Variants in PCDHGA4 observed in about 807,000 individuals in gnomAD.
PCDHGA4 encodes protocadherin gamma subfamily A, 4.
PCDHGA4 carries 38 observed loss-of-function variants against 54.6 expected under a neutral mutation model. The ratio of observed to expected loss-of-function variants is 0.70; its 90% confidence interval spans 0.54 to 0.91. PCDHGA4 has a LOEUF of 0.91. PCDHGA4 is among the 40% of genes least tolerant of loss of function. The pLI is 0.00. For synonymous variants in PCDHGA4, 511 were observed against 512.9 expected (o/e 1.00, Z 0.05); for missense variants, 1,298 against 1,220.9 (o/e 1.06, Z -0.94).
intron 1 of PCDHGA4, chr5:141,392,664 C>CT (rs530587453): frequency 1.2e-6 from 1 of 817,260 alleles, no homozygotes; most frequent in South Asian, 2.1e-5. Flanking sequence ...ATGCCACAAA[C>CT]TAACTGCTGG....
At chr5:141,413,687 T>A (rs1470256826) in intron 1 of PCDHGA4, 5 of 1,613,666 alleles carry the variant, frequency 3.1e-6, no homozygotes, top group Non-Finnish European at 3.4e-6. Flanking sequence ...GTGAACTCCC[T>A]GCAGAGCTAT....
At chr5:141,421,767 C>T in intron 1 of PCDHGA4, 2 of 1,613,906 alleles carry the variant, frequency 1.2e-6, no homozygotes, top group South Asian at 1.1e-5. Context: ...ATTACTTTTC[C>T]TTGCAACTGC....
chr5:141,377,430 T>C (rs1308051444), intron 1 of PCDHGA4: 1 of 151,886 alleles, frequency 6.6e-6, no homozygotes, highest in Non-Finnish European at 1.5e-5. Context: ...ACTCTGTCTC[T>C]ACCAAAAAGA....
Position 141,490,066 on chromosome 5 carries a change from C to G in PCDHGA4, c.2515-4741C>G. ...TGATCCAGACGAGGGCACCAACGGC[C>G]AACTAGACTATTCTTTTGGAGACCA... On this transcript the variant is annotated intron_variant, in intron 1 of 3. Coordinates refer to ENST00000571252, the MANE Select transcript of PCDHGA4 (RefSeq NM_018917.4). The surrounding 1 kb of genome is among the most constrained non-coding windows in gnomAD (Gnocchi z 5.4). The G allele has an allele frequency of 1.2e-6, 2 of 1,614,248 alleles. No individual in the cohort carries two copies. Among genetic ancestry groups the G allele is most frequent in the Non-Finnish European group, 1.7e-6 (2 of 1,180,034 alleles).
intron 1 of PCDHGA4, chr5:141,371,296 T>A: frequency 6.2e-7 from 1 of 1,614,000 alleles, no homozygotes; most frequent in Non-Finnish European, 8.5e-7. Flanking sequence ...ACGGGGGAAC[T>A]CACCACTATT....
At chr5:141,459,863 G>A (rs182099511) in intron 1 of PCDHGA4, among the ~76,000 whole-genome samples, 2 of 152,242 alleles carry the variant, frequency 1.3e-5, no homozygotes, top group East Asian at 1.9e-4. Context: ...TGAAGCATTC[G>A]TTCATCTTTA....
At position 141,413,133 on chromosome 5, in the gene PCDHGA4, C is replaced by T. The variant is rs765215473; in HGVS notation, c.2514+55512C>T. The stretch of plus-strand genomic sequence containing the variant: ...CAAAGGAACCGGTTGAAACACACAA[C>T]GTGTCCAGTGAGGACTTTGCAGAAT... On this transcript the variant is annotated intron_variant, in intron 1 of 3. Transcript: ENST00000571252. 1.1e-5 allele frequency: 17 copies of T among 1,542,110 alleles called. No individual in the cohort carries two copies. In the East Asian group the frequency reaches 3.2e-4, roughly 29 times the overall value.
At chr5:141,373,509 C>G (rs1444734450) in intron 1 of PCDHGA4, among the ~76,000 whole-genome samples, 1 of 152,152 alleles carries the variant, frequency 6.6e-6, no homozygotes, top group East Asian at 1.9e-4. Flanking sequence ...GGAGACAGAG[C>G]GAGACTTTGT....
chr5:141,356,393 A>G lies in PCDHGA4; in HGVS notation c.1286A>G (p.Tyr429Cys), dbSNP rs771004657. The G allele has an allele frequency of 5.7e-6, 9 of 1,578,652 alleles. No individual in the cohort carries two copies. Among genetic ancestry groups the G allele is most frequent in the South Asian group, 2.3e-5 (2 of 87,064 alleles). ...CTGCCATTCACACTTGAAAAGACCT[A>G]TGGAAATTATTATCGGTTGTTGACA... ...DNLPFTLEKT[Y>C]GNYYRLLTHR... Residue 429 changes from tyrosine to cysteine, a missense_variant, in exon 1 of 4, where the codon TAT becomes TGT. Tyr to Cys is a radical substitution (Grantham distance 194). Transcript: ENST00000571252.
At position 141,370,693 on chromosome 5, in the gene PCDHGA4, C is replaced by G. The variant is rs762773164; in HGVS notation, c.2514+13072C>G. On this transcript the variant is annotated intron_variant, in intron 1 of 3. Coordinates refer to ENST00000571252, the MANE Select transcript of PCDHGA4 (RefSeq NM_018917.4). ...CGAGAGGAGATTTGTGGCAAGAAGT[C>G]GACGTGTGTTCTGGAATTTGAAATG... 28 of 1,613,754 alleles carry G rather than the reference C, an allele frequency of 1.7e-5. No individual in the cohort carries two copies. In the East Asian group the frequency reaches 3.8e-4, roughly 22 times the overall value.
rs545310006 is a variant in PCDHGA4 at position 141,395,123 on chromosome 5, T to C, written c.2514+37502T>C. ...ACTCGCGGAAGAGTCACCTGATCTTTCCCCAGCCCAACTACGCAGACATGC... is the reference window on the plus strand; with the variant it reads ...ACTCGCGGAAGAGTCACCTGATCTTCCCCCAGCCCAACTACGCAGACATGC... On this transcript the variant is annotated intron_variant, in intron 1 of 3. Coordinates refer to ENST00000571252, the MANE Select transcript of PCDHGA4 (RefSeq NM_018917.4). 2.5e-6 allele frequency: 4 copies of C among 1,614,148 alleles called. No homozygotes were observed. In the Admixed American group the frequency reaches 6.7e-5, roughly 27 times the overall value.
At chr5:141,419,916 C>T in intron 1 of PCDHGA4, 1 of 1,614,080 alleles carries the variant, frequency 6.2e-7, no homozygotes, top group Non-Finnish European at 8.5e-7. Context: ...GACTCCCAGG[C>T]TGAGATGCAG....
intron 1 of PCDHGA4, chr5:141,430,840 A>G: frequency 6.4e-7 from 1 of 1,565,876 alleles, no homozygotes; most frequent in East Asian, 2.2e-5. Flanking sequence ...GGGAGACCGG[A>G]TGCACCCAGA....
chr5:141,421,964 C>T (rs772274014), intron 1 of PCDHGA4: 3 of 1,611,472 alleles, frequency 1.9e-6, no homozygotes, highest in Non-Finnish European at 1.7e-6. Flanking sequence ...TTTACACAGT[C>T]CGTATATCGC....
chr5:141,485,093 T>C lies in PCDHGA4; in HGVS notation c.2515-9714T>C. 1 of 1,076,296 alleles carries C rather than the reference T, an allele frequency of 9.3e-7. No homozygotes were observed. Among genetic ancestry groups the C allele is most frequent in the Non-Finnish European group, 1.4e-6 (1 of 718,118 alleles). 66.7% of individuals were successfully genotyped at this position (1,076,296 alleles called of 1,614,324 possible). ...TGGCGCGGGGAAAGGGAGATAGGTG[T>C]CTCCAGCTGCTGTGGCTGTTTGGGG... On this transcript the variant is annotated intron_variant, in intron 1 of 3. Coordinates refer to ENST00000571252, the MANE Select transcript of PCDHGA4 (RefSeq NM_018917.4). The surrounding 1 kb of genome is among the most constrained non-coding windows in gnomAD (Gnocchi z 5.7).
chr5:141,484,994 G>A (rs1257915410), intron 1 of PCDHGA4: 4 of 610,330 alleles, frequency 6.6e-6, no homozygotes, highest in Non-Finnish European at 1.2e-5. Context: ...GGTGGTGAAA[G>A]GCAGACAAAT....
chr5:141,500,188 A>T (rs182086759), intron 2 of PCDHGA4, among the ~76,000 whole-genome samples: 173 of 98,190 alleles, frequency 1.8e-3, no homozygotes, highest in African/African-American at 4.0e-3. Flanking sequence ...TTTTATTTTT[A>T]TTTATTTATT....
At position 141,487,010 on chromosome 5, in the gene PCDHGA4, GC is replaced by G. The variant is rs2099638172; in HGVS notation, c.2515-7793del. ...TTGGGTTTCCTATCAGCTCCTGGAG[GC>G]CCCAGATCCCAGCCTGTTTGCAGTC... is the stretch of plus-strand genomic sequence containing the variant. On this transcript the variant is annotated intron_variant, in intron 1 of 3. Coordinates refer to ENST00000571252, the MANE Select transcript of PCDHGA4 (RefSeq NM_018917.4). This position sits in a 1 kb window ranked among gnomAD's most constrained non-coding sequence, Gnocchi z 5.0. 6.2e-7 allele frequency: 1 copy of G among 1,614,096 alleles called. No individual in the cohort carries two copies. Among genetic ancestry groups the G allele is most frequent in the Non-Finnish European group, 8.5e-7 (1 of 1,180,056 alleles).
At position 141,491,587 on chromosome 5, in the gene PCDHGA4, G is replaced by A. The variant is rs1177701526; in HGVS notation, c.2515-3220G>A. 1.2e-6 allele frequency: 2 copies of A among 1,613,834 alleles called. No individual in the cohort carries two copies. Among genetic ancestry groups the A allele is most frequent in the African/African-American group, 2.7e-5 (2 of 74,926 alleles). On this transcript the variant is annotated intron_variant, in intron 1 of 3. Coordinates refer to ENST00000571252, the MANE Select transcript of PCDHGA4 (RefSeq NM_018917.4). The surrounding 1 kb of genome is among the most constrained non-coding windows in gnomAD (Gnocchi z 6.9). ...CAGGACGTGCTTTTCACCGGCCTCG[G>A]ACGGCAGTGACTTCACTTTTCTAAG...
Sources: allele counts gnomAD v4.1 joint callset (sites outside exome capture counted in the v4.1 genomes callset), GRCh38; gene constraint gnomAD v4.1.1; non-coding constraint Gnocchi (gnomAD v3.1); transcripts MANE v1.5; gene names NCBI Gene and HGNC (gene_info 2026-07-23, HGNC 2026-07-21).